BCAM: variants seen among roughly 807,000 people sequenced by gnomAD.
The protein encoded by BCAM is basal cell adhesion molecule (Lutheran blood group).
In BCAM, 61 loss-of-function variants were observed where a neutral mutation model predicts 72.4. That is an observed-to-expected ratio of 0.84 (90% CI 0.69 to 1.04). The LOEUF is 1.04. BCAM is among the 50% of genes least tolerant of loss of function. The pLI is 0.00. For synonymous variants in BCAM, 408 were observed against 384.2 expected (o/e 1.06, Z -0.73); for missense variants, 909 against 895.0 (o/e 1.02, Z -0.20).
intron 8 of BCAM, among the ~76,000 whole-genome samples, chr19:44,816,042 GC>G (rs1968499877): frequency 6.6e-6 from 1 of 151,830 alleles, no homozygotes; most frequent in Admixed American, 6.6e-5. Flanking sequence ...AGTAGGCCGG[GC>G]CCCGTGGCTC....
Position 44,813,237 on chromosome 19 carries a change from G to A in BCAM, c.505-13G>A, listed in dbSNP as rs368236900. 41 of 1,613,766 alleles carry A rather than the reference G, an allele frequency of 2.5e-5. No homozygotes were observed. The highest frequency in any genetic ancestry group is 3.3e-4 in the Middle Eastern group (2 of 6,062). On this transcript the variant is annotated splice_polypyrimidine_tract_variant and intron_variant, in intron 4 of 14. Coordinates refer to ENST00000270233, the MANE Select transcript of BCAM (RefSeq NM_005581.5). This position sits in a 1 kb window ranked among gnomAD's most constrained non-coding sequence, Gnocchi z 4.2. Reference sequence around the variant, plus strand: ...CAGCTCCAAGCCCAGGGCCATGCCCGTGTCTGCCTCAGATCGCCACCTGCA... The same window carrying A: ...CAGCTCCAAGCCCAGGGCCATGCCCATGTCTGCCTCAGATCGCCACCTGCA...
rs753687027 is a variant in BCAM, at chr19:44,818,620, G to T, written c.1177G>T (p.Ala393Ser). 1 of 1,613,708 alleles carries T rather than the reference G, an allele frequency of 6.2e-7. No individual in the cohort carries two copies. The part of the protein sequence containing the change: ...NCSVHGLPTP[A>S]LRWTKDSTPL... ...CTCCGTGCACGGCCTGCCCACCCCT[G>T]CCCTACGCTGGACCAAGGTGAGAGG... Residue 393 changes from alanine (A) to serine (S), a missense_variant, in exon 9 of 15, where the codon GCC (alanine) becomes TCC (serine). Coordinates refer to ENST00000270233, the MANE Select transcript of BCAM (RefSeq NM_005581.5). The surrounding 1 kb of genome is among the most constrained non-coding windows in gnomAD (Gnocchi z 4.6).
Position 44,818,679 on chromosome 19 carries a change from C to G in BCAM, c.1194+42C>G, listed in dbSNP as rs1277686769. ...CCCCCTCGGGCCCTGCACTCGCACCCTCCTCTCTCCCCTCACTCCTCGCCC... is the reference window on the plus strand; with the variant it reads ...CCCCCTCGGGCCCTGCACTCGCACCGTCCTCTCTCCCCTCACTCCTCGCCC... On this transcript the variant is annotated intron_variant, in intron 9 of 14. Coordinates refer to ENST00000270233, the MANE Select transcript of BCAM (RefSeq NM_005581.5). This position sits in a 1 kb window ranked among gnomAD's most constrained non-coding sequence, Gnocchi z 4.6. 6.2e-7 allele frequency: 1 copy of G among 1,611,758 alleles called. No homozygotes were observed. Among genetic ancestry groups the G allele is most frequent in the African/African-American group, 1.3e-5 (1 of 74,990 alleles).
Position 44,814,888 on chromosome 19 carries a change from T to G in BCAM, c.1078+128T>G. On this transcript the variant is annotated intron_variant, in intron 8 of 14. Coordinates refer to ENST00000270233, the MANE Select transcript of BCAM (RefSeq NM_005581.5). The surrounding 1 kb of genome is among the most constrained non-coding windows in gnomAD (Gnocchi z 4.6). ...CTGCCTTCAACCCTTTCTCTGCATTTCTTGGGGGTTTTTTTGGTTGTTTTT... is the reference window on the plus strand; with the variant it reads ...CTGCCTTCAACCCTTTCTCTGCATTGCTTGGGGGTTTTTTTGGTTGTTTTT... 9.2e-7 allele frequency: 1 copy of G among 1,088,336 alleles called. No homozygotes were observed. The highest frequency in any genetic ancestry group is 3.0e-5 in the East Asian group (1 of 32,828). 67.4% of individuals were successfully genotyped at this position (1,088,336 alleles called of 1,614,324 possible).
In BCAM at chr19:44,811,258, C is replaced by T. The variant is rs141053619; in HGVS notation, c.116C>T (p.Pro39Leu). 1.1e-4 allele frequency: 174 copies of T among 1,612,844 alleles called. 1 individual carries two copies. The East Asian group carries it at 3.5e-3, about 32-fold the overall frequency. The change falls in exon 2 of 15, where the codon CCG becomes CTG. Residue 39 changes from proline to leucine, a missense_variant. Physicochemically the swap from Pro to Leu is moderately conservative, Grantham distance 98 (BLOSUM62 -3). Coordinates refer to ENST00000270233, the MANE Select transcript of BCAM (RefSeq NM_005581.5). ...AQAEVRLSVP[P>L]LVEVMRGKSV... ...GCGGAGGTGCGCTTGTCTGTACCCCCGCTGGTGGAGGTGATGCGAGGAAAG... is the reference window on the plus strand; with the variant it reads ...GCGGAGGTGCGCTTGTCTGTACCCCTGCTGGTGGAGGTGATGCGAGGAAAG...
chr19:44,817,320 A>G (rs888683464), intron 8 of BCAM, among the ~76,000 whole-genome samples: 1 of 152,238 alleles, frequency 6.6e-6, no homozygotes, highest in African/African-American at 2.4e-5. Context: ...GCCCTGAGGC[A>G]GGCCCCAACT....
chr19:44,815,622 A>T (rs981581347), intron 8 of BCAM, among the ~76,000 whole-genome samples: 2 of 152,276 alleles, frequency 1.3e-5, no homozygotes, highest in African/African-American at 4.8e-5. Flanking sequence ...CAAGAAGTTT[A>T]TGGGAAGTAC....
At chr19:44,819,916 TCCCCAACTCATCCTC>T in intron 13 of BCAM, 190 bp downstream of exon 13, 5 of 306,132 alleles carry the variant, frequency 1.6e-5, no homozygotes, top group Non-Finnish European at 2.0e-5. Flanking sequence ...TCCACAGCCA[TCCCCAACTCATCCTC>T]ATCCCCAACT....
intron 13 of BCAM, chr19:44,820,396 C>A (rs1453557717): frequency 3.5e-6 from 4 of 1,156,908 alleles, no homozygotes; most frequent in Non-Finnish European, 3.2e-6. Context: ...CTCATCTAAC[C>A]TTGTCTCCAG....
Position 44,820,959 on chromosome 19 carries a change from C to A in BCAM, c.*38C>A. On this transcript the variant is annotated 3_prime_UTR_variant, in exon 15 of 15. Transcript: ENST00000270233. ...CTAGAGGCTGTCCCTGGACCTGGAG[C>A]TGCAGGCATCAGAGAACCAGCCCTG... 6.5e-7 allele frequency: 1 copy of A among 1,538,018 alleles called. No homozygotes were observed. Among genetic ancestry groups the A allele is most frequent in the Middle Eastern group, 1.9e-4 (1 of 5,336 alleles).
At chr19:44,815,807 C>A (rs1262944860) in intron 8 of BCAM, among the ~76,000 whole-genome samples, 3 of 151,768 alleles carry the variant, frequency 2.0e-5, no homozygotes, top group African/African-American at 7.3e-5. Flanking sequence ...GAGTTTGAGG[C>A]CAGCCTGGGC....
rs534051705 is a variant in BCAM, at chr19:44,819,613, C to T, written c.1650C>T (p.Ala550=). 25 of 1,613,434 alleles carry T rather than the reference C, an allele frequency of 1.5e-5. No homozygotes were observed. The highest frequency in any genetic ancestry group is 1.5e-4 in the South Asian group (14 of 91,040). The change falls in exon 13 of 15, where the codon GCC becomes GCT. Residue 550 remains alanine (A), a synonymous_variant. Transcript: ENST00000270233. The stretch of plus-strand genomic sequence containing the variant: ...CCCAGACCTCCCAGGCTGGAGTGGC[C>T]GTCATGGCCGTGGCCGTCAGCGTGG... ...VSPQTSQAGV[A]VMAVAVSVGL...
At chr19:44,811,510 C>G in intron 2 of BCAM, 164 bp downstream of exon 2, 1 of 1,179,926 alleles carries the variant, frequency 8.5e-7, no homozygotes, top group East Asian at 2.5e-5. Flanking sequence ...CAAGGTGCCC[C>G]GTGTCTAGGC....
Position 44,818,833 on chromosome 19 carries a change from C to T in BCAM, c.1287C>T (p.Pro429=), listed in dbSNP as rs1463453810. Residue 429 remains proline, a synonymous_variant, in exon 10 of 15, where the codon CCC becomes CCT. Transcript: ENST00000270233. The surrounding 1 kb of genome is among the most constrained non-coding windows in gnomAD (Gnocchi z 4.6). ...NGTYVCEASL[P]TVPVLSRTQN... ...CCTACGTATGTGAGGCCTCCCTGCC[C>T]ACAGTCCCGGTCCTCAGCCGCACCC... is the stretch of plus-strand genomic sequence containing the variant. 2 of 1,614,138 alleles carry T rather than the reference C, an allele frequency of 1.2e-6. No homozygotes were observed. The highest frequency in any genetic ancestry group is 1.7e-6 in the Non-Finnish European group (2 of 1,180,004).
intron 1 of BCAM, among the ~76,000 whole-genome samples, chr19:44,810,379 C>T (rs1221582948): frequency 3.3e-5 from 5 of 152,068 alleles, no homozygotes; most frequent in African/African-American, 1.2e-4. Context: ...GGCTCCAGGC[C>T]GGGCAGGTCT....
Position 44,812,498 on chromosome 19 carries a change from G to T in BCAM, c.454G>T (p.Val152Phe). 4 of 1,614,240 alleles carry T rather than the reference G, an allele frequency of 2.5e-6. No homozygotes were observed. The highest frequency in any genetic ancestry group is 3.4e-6 in the Non-Finnish European group (4 of 1,180,042). Residue 152 changes from valine to phenylalanine, a missense_variant, in exon 4 of 15, where the codon GTC becomes TTC. Val to Phe is a conservative substitution (Grantham distance 50). Coordinates refer to ENST00000270233, the MANE Select transcript of BCAM (RefSeq NM_005581.5). The surrounding 1 kb of genome is among the most constrained non-coding windows in gnomAD (Gnocchi z 5.3). Reference sequence around the variant, plus strand: ...CACAGCAAAGCCAGAGGCCACTGAGGTCTCCCCCAACAAAGGGACACTGTC... The same window carrying T: ...CACAGCAAAGCCAGAGGCCACTGAGTTCTCCCCCAACAAAGGGACACTGTC... Reference protein sequence around the residue: ...NVFAKPEATEVSPNKGTLSVM... With the variant: ...NVFAKPEATEFSPNKGTLSVM...
At position 44,814,239 on chromosome 19, in the gene BCAM, G is replaced by GC; in HGVS notation, c.874dup (p.Arg292ProfsTer18). The GC allele has an allele frequency of 6.3e-7, 1 of 1,589,196 alleles. No homozygotes were observed. The highest frequency in any genetic ancestry group is 8.5e-7 in the Non-Finnish European group (1 of 1,173,826). Reference sequence around the variant, plus strand: ...GAGGGTGACACTGTCCAGCTGCTCTGCCGGGGGGACGGCAGCCCCAGCCCG... The same window carrying GC: ...GAGGGTGACACTGTCCAGCTGCTCTGCCCGGGGGGACGGCAGCCCCAGCCCG... On this transcript the variant is annotated frameshift_variant, in exon 7 of 15. Transcript: ENST00000270233. LOFTEE classifies it high-confidence loss of function. This position sits in a 1 kb window ranked among gnomAD's most constrained non-coding sequence, Gnocchi z 4.6.
At position 44,814,195 on chromosome 19, in the gene BCAM, C is replaced by T. The variant is rs781419602; in HGVS notation, c.828C>T (p.Thr276=). The change falls in exon 7 of 15, where the codon ACC becomes ACT. Residue 276 remains threonine (T), a synonymous_variant. Transcript: ENST00000270233. This position sits in a 1 kb window ranked among gnomAD's most constrained non-coding sequence, Gnocchi z 4.6. ...AGTTCTGGGTGGGCAGCCCGTCCAC[C>T]CCAGCAGGCTGGGTACGCGAGGGTG... ...HVQFWVGSPS[T]PAGWVREGDT... is the part of the protein sequence containing the mutation. The T allele has an allele frequency of 2.1e-5, 33 of 1,583,130 alleles. 1 individual carries two copies. The South Asian group carries it at 2.8e-4, about 14-fold the overall frequency.
rs1177258423 is a variant in BCAM, at chr19:44,811,340, G to T, written c.198G>T (p.Trp66Cys). Residue 66 changes from tryptophan (W) to cysteine (C), a missense_variant, in exon 2 of 15, where the codon TGG becomes TGT. By Grantham distance (215) the Trp-to-Cys change is radical. Transcript: ENST00000270233. ...CCCACGACCATTATATGCTGGAATG[G>T]TTCCTTGTGAGTGCTTGGGGCTGGG... ...TGTHDHYMLE[W>C]FLTDRSGARP... 1.9e-6 allele frequency: 3 copies of T among 1,612,248 alleles called. No individual in the cohort carries two copies. The Admixed American group carries it at 5.0e-5, about 27-fold the overall frequency.
Sources: gnomAD v4.1 joint callset for allele counts (sites outside exome capture counted in the v4.1 genomes callset) on GRCh38, gnomAD v4.1.1 for gene constraint, Gnocchi (gnomAD v3.1) non-coding constraint, MANE v1.5 for transcripts, NCBI Gene and HGNC (gene_info 2026-07-23, HGNC 2026-07-21) for gene names.